Variants in CCDC90B observed in about 807,000 individuals in gnomAD.
CCDC90B encodes coiled-coil domain-containing protein 90B, mitochondrial.
CCDC90B carries 24 observed loss-of-function variants against 37.0 expected under a neutral mutation model. The ratio of observed to expected loss-of-function variants is 0.65; its 90% CI spans 0.47 to 0.91. The LOEUF (loss-of-function observed/expected upper bound fraction) is 0.91, where lower values mean the gene tolerates loss of function less well. CCDC90B is among the 40% of genes least tolerant of loss of function. The pLI, the probability that CCDC90B is intolerant of heterozygous loss-of-function variation, is 0.00. For missense variants in CCDC90B, 319 were observed against 299.0 expected (o/e 1.07, Z -0.49); for synonymous variants, 113 against 101.1 (o/e 1.12, Z -0.71).
chr11:83,280,072 A>T, intron 2 of CCDC90B, 69 bp downstream of exon 2: 1 of 1,473,214 alleles, frequency 6.8e-7, no homozygotes, highest in Non-Finnish European at 9.2e-7. Flanking sequence ...CATAATAGTG[A>T]TATTGTCTTA....
At position 83,286,343 on chromosome 11, in the gene CCDC90B, G is replaced by A; in HGVS notation, c.-371C>T. On this transcript the variant is annotated 5_prime_UTR_variant, in exon 1 of 9. Transcript: ENST00000529689. ...ATAGCCAGCGGCCATTACGCGCTTG[G>A]GTCGGGGGAGATGGAGTCGCATTTA... The A allele has an allele frequency of 1.4e-6, 1 of 716,398 alleles. No homozygotes were observed. Among genetic ancestry groups the A allele is most frequent in the Non-Finnish European group, 2.3e-6 (1 of 442,704 alleles). 44.4% of individuals were successfully genotyped at this position (716,398 alleles called of 1,614,324 possible).
At chr11:83,280,293 T>C (rs777884263) in intron 1 of CCDC90B, 33 bp from the exon 2 acceptor site, 2 of 1,591,344 alleles carry the variant, frequency 1.3e-6, no homozygotes, top group Non-Finnish European at 1.7e-6. Flanking sequence ...TCTTTTGTAG[T>C]AACTGATAGC....
At chr11:83,278,577 T>G (rs1865180345) in intron 3 of CCDC90B, 149 bp downstream of exon 3, 5 of 552,236 alleles carry the variant, frequency 9.1e-6, no homozygotes, top group Non-Finnish European at 1.6e-5. Context: ...CTCTAAATAC[T>G]GACTTTATTC....
rs1300103251 is a variant in CCDC90B at position 83,286,114 on chromosome 11, G to A, written c.-142C>T. On this transcript the variant is annotated 5_prime_UTR_variant, in exon 1 of 9. Coordinates refer to ENST00000529689, the MANE Select transcript of CCDC90B (RefSeq NM_021825.5). The stretch of plus-strand genomic sequence containing the variant: ...CACAAGCTCACCTCCCAGCGCAGGC[G>A]CCACCGTGGTCCCACGAAACTGGGT... 5 of 1,536,418 alleles carry A rather than the reference G, an allele frequency of 3.3e-6. No individual in the cohort carries two copies. Among genetic ancestry groups the A allele is most frequent in the Non-Finnish European group, 4.4e-6 (5 of 1,146,912 alleles).
At chr11:83,274,135 G>GAAACTAGT (rs1864876155) in intron 4 of CCDC90B, 143 bp from the exon 5 acceptor site, 3 of 481,994 alleles carry the variant, frequency 6.2e-6, no homozygotes, top group Non-Finnish European at 1.0e-5. Flanking sequence ...ATCTTCAAAA[G>GAAACTAGT]AAACTAGTAA....
rs1003475296 is a variant in CCDC90B, at chr11:83,271,708, A to C, written c.594+1939T>G. ...CAACCATTGTGGAAGACAGTGTGGCAATTCCTCAAGGATCTAGAACTAGAA... is the reference window on the plus strand; with the variant it reads ...CAACCATTGTGGAAGACAGTGTGGCCATTCCTCAAGGATCTAGAACTAGAA... On this transcript the variant is annotated intron_variant, in intron 7 of 8. Coordinates refer to ENST00000529689, the MANE Select transcript of CCDC90B (RefSeq NM_021825.5). Among the ~76,000 whole-genome samples, 4 of 152,184 alleles carry C rather than the reference A, an allele frequency of 2.6e-5. 1 individual carries two copies. In the South Asian group the frequency reaches 8.3e-4, roughly 32 times the overall value.
chr11:83,282,183 A>C (rs758129509), intron 1 of CCDC90B, among the ~76,000 whole-genome samples: 23 of 152,334 alleles, frequency 1.5e-4, no homozygotes, highest in Non-Finnish European at 2.8e-4. Flanking sequence ...TGGCAATACT[A>C]AGTATTGGTT....
Position 83,261,802 on chromosome 11 carries a change from G to T in CCDC90B, c.*109C>A, listed in dbSNP as rs207472085. On this transcript the variant is annotated 3_prime_UTR_variant, in exon 9 of 9. Coordinates refer to ENST00000529689, the MANE Select transcript of CCDC90B (RefSeq NM_021825.5). ...TCCTCTTTTAGTCCGTATACACTTC[G>T]AATAATCTTGTGTAGTAAATTTTTG... 1.4e-6 allele frequency: 1 copy of T among 734,194 alleles called. No individual in the cohort carries two copies. The highest frequency in any genetic ancestry group is 2.3e-6 in the Non-Finnish European group (1 of 427,370). The allele number at this position is 734,194 out of a possible 1,614,324, so 45.5% of individuals were successfully genotyped here.
chr11:83,282,574 G>C (rs1222688497), intron 1 of CCDC90B, among the ~76,000 whole-genome samples: 1 of 152,128 alleles, frequency 6.6e-6, no homozygotes, highest in African/African-American at 2.4e-5. Flanking sequence ...TGCTCTCTCT[G>C]GTCCTCTGCT....
Position 83,286,165 on chromosome 11 carries a change from G to T in CCDC90B, c.-193C>A. 6.5e-7 allele frequency: 1 copy of T among 1,536,068 alleles called. No individual in the cohort carries two copies. Among genetic ancestry groups the T allele is most frequent in the Non-Finnish European group, 8.7e-7 (1 of 1,146,860 alleles). On this transcript the variant is annotated 5_prime_UTR_variant, in exon 1 of 9. Coordinates refer to ENST00000529689, the MANE Select transcript of CCDC90B (RefSeq NM_021825.5). ...CTCTTCACAGACAGACCCACAGTTC[G>T]CGAGCATGGCTCAGCGCTGCCCCGC... is the stretch of plus-strand genomic sequence containing the variant.
chr11:83,268,165 G>C (rs555112514), intron 7 of CCDC90B, among the ~76,000 whole-genome samples: 1 of 152,264 alleles, frequency 6.6e-6, no homozygotes, highest in East Asian at 1.9e-4. Context: ...AAATTGTAAA[G>C]ACCATCGATG....
chr11:83,279,513 G>C (rs1865259774), intron 2 of CCDC90B, among the ~76,000 whole-genome samples: 1 of 151,990 alleles, frequency 6.6e-6, no homozygotes, highest in African/African-American at 2.4e-5. Context: ...ATTTTTCTGT[G>C]TTCTGCTTGT....
At position 83,286,154 on chromosome 11, in the gene CCDC90B, A is replaced by G; in HGVS notation, c.-182T>C. 6.5e-7 allele frequency: 1 copy of G among 1,536,112 alleles called. No homozygotes were observed. Among genetic ancestry groups the G allele is most frequent in the Non-Finnish European group, 8.7e-7 (1 of 1,146,892 alleles). On this transcript the variant is annotated 5_prime_UTR_variant, in exon 1 of 9. Transcript: ENST00000529689. ...CGAAACTGGGTCTCTTCACAGACAG[A>G]CCCACAGTTCGCGAGCATGGCTCAG... is the stretch of plus-strand genomic sequence containing the variant.
intron 8 of CCDC90B, among the ~76,000 whole-genome samples, chr11:83,264,018 A>G (rs1051709833): frequency 6.6e-6 from 1 of 152,198 alleles, no homozygotes. Flanking sequence ...TTAAATGTGC[A>G]TATCTTTTTG....
chr11:83,284,105 T>C (rs1273941402), intron 1 of CCDC90B, among the ~76,000 whole-genome samples: 2 of 152,228 alleles, frequency 1.3e-5, no homozygotes, highest in Admixed American at 6.5e-5. Context: ...TAAACATCTG[T>C]ACAAAACCCC....
intron 2 of CCDC90B, among the ~76,000 whole-genome samples, chr11:83,279,335 A>G (rs1429508666): frequency 6.6e-6 from 1 of 151,990 alleles, no homozygotes; most frequent in Non-Finnish European, 1.5e-5. Context: ...TTTAATTCTC[A>G]TTCTGTATCT....
At chr11:83,275,110 C>A (rs533690420) in intron 3 of CCDC90B, among the ~76,000 whole-genome samples, 2 of 152,116 alleles carry the variant, frequency 1.3e-5, no homozygotes, top group Non-Finnish European at 2.9e-5. Flanking sequence ...TTTTCTACCA[C>A]TGGAAAATTC....
At chr11:83,272,175 A>G (rs1864716836) in intron 7 of CCDC90B, among the ~76,000 whole-genome samples, 1 of 152,206 alleles carries the variant, frequency 6.6e-6, no homozygotes, top group African/African-American at 2.4e-5. Flanking sequence ...GGTGCAGCAA[A>G]CCAACATGGT....
At chr11:83,268,336 G>C (rs1864422369) in intron 7 of CCDC90B, among the ~76,000 whole-genome samples, 1 of 151,990 alleles carries the variant, frequency 6.6e-6, no homozygotes, top group Admixed American at 6.6e-5. Flanking sequence ...AGACCCATCA[G>C]TGTGCTGTAC....
Sources: gnomAD v4.1 joint callset for allele counts (sites outside exome capture counted in the v4.1 genomes callset) on GRCh38, gnomAD v4.1.1 for gene constraint, MANE v1.5 for transcripts, NCBI Gene and HGNC (gene_info 2026-07-23, HGNC 2026-07-21) for gene names.